The following HSD17B4 variants were observed in gnomAD, a reference collection of about 807,000 sequenced individuals.
HSD17B4 encodes peroxisomal multifunctional enzyme type 2.
A neutral mutation model predicts 101.0 loss-of-function variants in HSD17B4; 70 were observed. The observed-to-expected ratio is 0.69, with a 90% CI of 0.57 to 0.85. The LOEUF is 0.85. Ranked by LOEUF, HSD17B4 falls within the 40% of genes least tolerant of loss-of-function variation. The pLI is 0.00. For synonymous variants in HSD17B4, 347 were observed against 297.1 expected, an observed-to-expected ratio of 1.17 and a Z score of -1.73; for missense variants, 984 against 892.4, an observed-to-expected ratio of 1.10 and a Z score of -1.31.
Position 119,502,098 on chromosome 5 carries a change from T to A in HSD17B4, c.1261+6T>A. 6.5e-7 allele frequency: 1 copy of A among 1,540,302 alleles called. No individual in the cohort carries two copies. Among genetic ancestry groups the A allele is most frequent in the South Asian group, 1.1e-5 (1 of 89,530 alleles). ...TAAACCACTTCCCAGAGCAGGTGAGTTATTGATATACTAATTCCATAATAC... is the reference window on the plus strand; with the variant it reads ...TAAACCACTTCCCAGAGCAGGTGAGATATTGATATACTAATTCCATAATAC... On this transcript the variant is annotated splice_donor_region_variant and intron_variant, in intron 14 of 23. Coordinates refer to ENST00000510025, the MANE Select transcript of HSD17B4 (RefSeq NM_000414.4).
At chr5:119,469,768 A>G (rs994967707) in intron 2 of HSD17B4, among the ~76,000 whole-genome samples, 38 of 149,618 alleles carry the variant, frequency 2.5e-4, no homozygotes, top group African/African-American at 8.8e-4. Flanking sequence ...TTCTCTATGT[A>G]TCAGTTAGGT....
At chr5:119,473,206 T>C (rs1305571654) in intron 2 of HSD17B4, among the ~76,000 whole-genome samples, 3 of 150,850 alleles carry the variant, frequency 2.0e-5, no homozygotes, top group African/African-American at 7.3e-5. Context: ...AGTTTTGTTT[T>C]CCTGTGTATT....
At chr5:119,493,987 A>G in intron 11 of HSD17B4, 41 bp downstream of exon 11, 1 of 1,602,268 alleles carries the variant, frequency 6.2e-7, no homozygotes. Context: ...TTGGGGAATC[A>G]GAGGCAGCAA....
At chr5:119,488,863 G>A (rs2126738819) in intron 8 of HSD17B4, among the ~76,000 whole-genome samples, 1 of 152,144 alleles carries the variant, frequency 6.6e-6, no homozygotes, top group Non-Finnish European at 1.5e-5. Context: ...GGAATGAATG[G>A]TACCCAGATT....
intron 17 of HSD17B4, among the ~76,000 whole-genome samples, chr5:119,524,989 C>T (rs1187810473): frequency 2.6e-5 from 4 of 152,066 alleles, no homozygotes; most frequent in Non-Finnish European, 5.9e-5. Context: ...TAATTCTTGG[C>T]TTCCCTTTCT....
intron 8 of HSD17B4, among the ~76,000 whole-genome samples, chr5:119,479,423 C>G (rs1748907139): frequency 6.6e-6 from 1 of 152,128 alleles, no homozygotes; most frequent in Admixed American, 6.5e-5. Flanking sequence ...TTATTAACAT[C>G]TTTGGTCAGA....
intron 2 of HSD17B4, among the ~76,000 whole-genome samples, chr5:119,467,286 G>A (rs1243820977): frequency 6.6e-6 from 1 of 152,198 alleles, no homozygotes; most frequent in Non-Finnish European, 1.5e-5. Flanking sequence ...CATTTCTAGA[G>A]CAGTGGTCTT....
At chr5:119,508,416 C>G (rs1232687232) in intron 15 of HSD17B4, among the ~76,000 whole-genome samples, 1 of 152,040 alleles carries the variant, frequency 6.6e-6, no homozygotes, top group Non-Finnish European at 1.5e-5. Context: ...ATTGGCATGC[C>G]TTTCCTTATT....
intron 17 of HSD17B4, among the ~76,000 whole-genome samples, chr5:119,520,345 A>G (rs1007483562): frequency 3.9e-5 from 6 of 151,958 alleles, no homozygotes; most frequent in Admixed American, 6.6e-5. Flanking sequence ...TCTTCCCTAC[A>G]TGGCCTCTTT....
Position 119,493,830 on chromosome 5 carries a change from G to A in HSD17B4, c.752G>A (p.Arg251Gln), listed in dbSNP as rs773024366. The A allele has an allele frequency of 1.6e-5, 25 of 1,612,732 alleles. No homozygotes were observed. Among genetic ancestry groups the A allele is most frequent in the Admixed American group, 3.3e-5 (2 of 59,918 alleles). The change falls in exon 11 of 24, where the codon CGG (arginine) becomes CAG (glutamine). Residue 251 changes from arginine to glutamine, a missense_variant. Physicochemically the swap from Arg to Gln is conservative, Grantham distance 43. Coordinates refer to ENST00000510025, the MANE Select transcript of HSD17B4 (RefSeq NM_000414.4). Reference sequence around the variant, plus strand: ...TTTCTATAACCAGTACGCTGGGAGCGGACTCTTGGAGCTATTGTAAGACAA... The same window carrying A: ...TTTCTATAACCAGTACGCTGGGAGCAGACTCTTGGAGCTATTGTAAGACAA... ...AGWIGKLRWE[R>Q]TLGAIVRQKN...
At chr5:119,459,201 T>A (rs1442299972) in intron 2 of HSD17B4, among the ~76,000 whole-genome samples, 1 of 152,242 alleles carries the variant, frequency 6.6e-6, no homozygotes, top group Non-Finnish European at 1.5e-5. Flanking sequence ...CAAGGTGCAT[T>A]GCCTTTGAAG....
chr5:119,456,375 T>G lies in HSD17B4; in HGVS notation c.112+7T>G, dbSNP rs1304829535. ...AGAGGAGCGTTAGTTGTTGGTAAGT[T>G]GGTGTGTTTTTCTTTTTAATCTGTA... On this transcript the variant is annotated splice_region_variant and intron_variant, in intron 2 of 23. Coordinates refer to ENST00000510025, the MANE Select transcript of HSD17B4 (RefSeq NM_000414.4). The G allele has an allele frequency of 6.3e-7, 1 of 1,585,248 alleles. No individual in the cohort carries two copies. The highest frequency in any genetic ancestry group is 8.7e-7 in the Non-Finnish European group (1 of 1,153,652).
At chr5:119,527,360 TG>T in intron 20 of HSD17B4, 141 bp downstream of exon 20, 1 of 620,044 alleles carries the variant, frequency 1.6e-6, no homozygotes. Flanking sequence ...ACAGCTTGTC[TG>T]GTGTTTTCAA....
chr5:119,493,694 T>G, intron 10 of HSD17B4, 124 bp from the exon 11 acceptor site: 1 of 858,482 alleles, frequency 1.2e-6, no homozygotes, highest in South Asian at 1.5e-5. Flanking sequence ...GTAAAACTCT[T>G]TAGGAGTTAG....
At chr5:119,462,019 C>G (rs1044225188) in intron 2 of HSD17B4, among the ~76,000 whole-genome samples, 2 of 151,880 alleles carry the variant, frequency 1.3e-5, no homozygotes, top group African/African-American at 4.8e-5. Flanking sequence ...TTTAAAATGA[C>G]AGAAACAAGG....
chr5:119,510,796 A>C (rs979724065), intron 16 of HSD17B4, among the ~76,000 whole-genome samples: 2 of 152,172 alleles, frequency 1.3e-5, no homozygotes, highest in Non-Finnish European at 2.9e-5. Flanking sequence ...AGGCGTTTGC[A>C]GCCAAGAACG....
intron 2 of HSD17B4, among the ~76,000 whole-genome samples, chr5:119,460,445 C>T (rs894675027): frequency 9.2e-5 from 14 of 152,188 alleles, no homozygotes; most frequent in African/African-American, 2.9e-4. Context: ...TGGATACCTC[C>T]ATGACTATCA....
rs1303495635 is a variant in HSD17B4, at chr5:119,502,037, A to G, written c.1210-4A>G. ...CTAATAAAATTTTGTTTACCCTAAC[A>G]TAGGTTCTTCATGGAGAGCAGTACT... On this transcript the variant is annotated splice_polypyrimidine_tract_variant and splice_region_variant and intron_variant, in intron 13 of 23. Transcript: ENST00000510025. 1 of 1,600,656 alleles carries G rather than the reference A, an allele frequency of 6.2e-7. No homozygotes were observed. The highest frequency in any genetic ancestry group is 1.7e-4 in the Middle Eastern group (1 of 6,022).
intron 23 of HSD17B4, among the ~76,000 whole-genome samples, chr5:119,539,718 C>T (rs1050224973): frequency 6.6e-6 from 1 of 151,732 alleles, no homozygotes; most frequent in African/African-American, 2.4e-5. Context: ...GTTATTTTTG[C>T]CTCATATTTT....
Sources: allele counts gnomAD v4.1 joint callset (sites outside exome capture counted in the v4.1 genomes callset), GRCh38; gene constraint gnomAD v4.1.1; transcripts MANE v1.5; gene names NCBI Gene and HGNC (gene_info 2026-07-23, HGNC 2026-07-21).